TNR: variants seen among roughly 807,000 people sequenced by gnomAD.
TNR encodes tenascin-R.
Under a neutral mutation model 150.4 loss-of-function variants are expected in TNR, and 45 were observed. That is an observed-to-expected ratio of 0.30 (90% CI 0.24 to 0.38). The LOEUF is 0.38. Ranked by LOEUF, TNR falls within the 10% of genes least tolerant of loss-of-function variation. The pLI is 1.00. For missense variants in TNR, 1,544 were observed against 1,759.1 expected, an observed-to-expected ratio of 0.88 and a Z score of 2.19; for synonymous variants, 687 against 678.4, an observed-to-expected ratio of 1.01 and a Z score of -0.20.
chr1:175,353,171 A>G (rs1651146540), intron 18 of TNR, among the ~76,000 whole-genome samples: 2 of 128,874 alleles, frequency 1.6e-5, no homozygotes, highest in African/African-American at 5.3e-5. Flanking sequence ...GAGAAACATT[A>G]GTAACACAGA....
At chr1:175,463,830 C>T (rs906413621) in intron 2 of TNR, among the ~76,000 whole-genome samples, 7 of 152,194 alleles carry the variant, frequency 4.6e-5, no homozygotes, top group Non-Finnish European at 8.8e-5. Context: ...TGGGATTCTG[C>T]TGCAAGGCAG....
chr1:175,517,632 A>G (rs1282101426), intron 2 of TNR, among the ~76,000 whole-genome samples: 1 of 152,150 alleles, frequency 6.6e-6, no homozygotes, highest in Non-Finnish European at 1.5e-5. Context: ...AGACCTACGA[A>G]TCTGTATTTT....
At chr1:175,724,735 G>T (rs995512472) in intron 1 of TNR, among the ~76,000 whole-genome samples, 3 of 152,152 alleles carry the variant, frequency 2.0e-5, no homozygotes, top group Admixed American at 1.3e-4. Context: ...AACTTAGAAG[G>T]TTCTATGAGA....
intron 1 of TNR, among the ~76,000 whole-genome samples, chr1:175,537,150 C>A (rs907936999): frequency 6.6e-6 from 1 of 152,244 alleles, no homozygotes; most frequent in East Asian, 1.9e-4. Context: ...GGAAGGGCAC[C>A]CCTTGGAGAG....
At chr1:175,363,564 AC>A (rs780460978) in intron 13 of TNR, 143 bp downstream of exon 13, 197 of 1,114,564 alleles carry the variant, frequency 1.8e-4, no homozygotes, top group Middle Eastern at 3.1e-4. Context: ...TTGGCTGCTC[AC>A]CAGCCCACTC....
intron 18 of TNR, among the ~76,000 whole-genome samples, chr1:175,338,178 T>C (rs1412872220): frequency 2.0e-5 from 3 of 152,192 alleles, no homozygotes; most frequent in African/African-American, 4.8e-5. Flanking sequence ...CAGTAGCCAT[T>C]AAGGAATGCC....
chr1:175,446,420 A>T (rs1317329000), intron 2 of TNR, among the ~76,000 whole-genome samples: 1 of 152,190 alleles, frequency 6.6e-6, no homozygotes, highest in Non-Finnish European at 1.5e-5. Context: ...GACCAGATAG[A>T]AATTTCTGAA....
chr1:175,530,929 CT>C (rs1660040844), intron 1 of TNR, among the ~76,000 whole-genome samples: 1 of 152,144 alleles, frequency 6.6e-6, no homozygotes, highest in Non-Finnish European at 1.5e-5. Flanking sequence ...TACTGAGAGC[CT>C]TGTGAGTACC....
intron 1 of TNR, among the ~76,000 whole-genome samples, chr1:175,721,862 A>AGCCT (rs1667313413): frequency 1.4e-5 from 1 of 71,080 alleles, no homozygotes; most frequent in Non-Finnish European, 2.7e-5. Context: ...CCCACTGACC[A>AGCCT]GCCTGCCTCC....
intron 1 of TNR, among the ~76,000 whole-genome samples, chr1:175,645,917 A>G (rs189136114): frequency 3.3e-5 from 5 of 151,744 alleles, no homozygotes; most frequent in Admixed American, 3.3e-4. Context: ...AGCCCTGCAT[A>G]TAAGACAAAG....
At position 175,480,318 on chromosome 1, in the gene TNR, AAGAG is replaced by A. The variant is rs952129818; in HGVS notation, c.-64+47947_-64+47950del. ...GTAAAAAAAAAATGAGGAAGAAAGA[AAGAG>A]AGAGAGAGAGAAGGAAGGAAGGAAG... On this transcript the variant is annotated intron_variant, in intron 2 of 22. Transcript: ENST00000367674. Among the ~76,000 whole-genome samples the A allele has an allele frequency of 7.3e-5, 11 of 150,980 alleles. No homozygotes were observed. The South Asian group carries it at 1.1e-3, about 15-fold the overall frequency.
chr1:175,376,933 T>A (rs917643763), intron 9 of TNR, among the ~76,000 whole-genome samples: 1 of 151,140 alleles, frequency 6.6e-6, no homozygotes, highest in Non-Finnish European at 1.5e-5. Context: ...TCAACCTATT[T>A]AAGCCCCCTA....
intron 15 of TNR, among the ~76,000 whole-genome samples, chr1:175,359,382 G>A (rs1366708852): frequency 3.3e-5 from 5 of 152,024 alleles, no homozygotes; most frequent in Admixed American, 2.6e-4. Flanking sequence ...CTTACCTCAA[G>A]TGATCCGCCT....
chr1:175,499,859 T>C (rs966309496), intron 2 of TNR, among the ~76,000 whole-genome samples: 7 of 152,150 alleles, frequency 4.6e-5, no homozygotes, highest in Non-Finnish European at 8.8e-5. Context: ...TCCCAGTCAA[T>C]CTACTACGTA....
chr1:175,596,152 T>C (rs1187718463), intron 1 of TNR, among the ~76,000 whole-genome samples: 1 of 152,212 alleles, frequency 6.6e-6, no homozygotes, highest in East Asian at 1.9e-4. Flanking sequence ...ACAATGTTTT[T>C]TTAAAAGAAA....
intron 2 of TNR, among the ~76,000 whole-genome samples, chr1:175,443,402 C>G (rs1410281925): frequency 6.6e-6 from 1 of 152,178 alleles, no homozygotes; most frequent in African/African-American, 2.4e-5. Flanking sequence ...CCTACCTCTA[C>G]TAACTGCTCA....
At chr1:175,489,290 T>C (rs559580540) in intron 2 of TNR, among the ~76,000 whole-genome samples, 223 of 152,300 alleles carry the variant, frequency 1.5e-3, no homozygotes, top group Non-Finnish European at 2.8e-3. Flanking sequence ...GCATAACTCA[T>C]GTGGTCCCCA....
At chr1:175,346,789 T>C (rs895731785) in intron 18 of TNR, among the ~76,000 whole-genome samples, 13 of 150,932 alleles carry the variant, frequency 8.6e-5, no homozygotes, top group African/African-American at 2.4e-4. Context: ...TGTTTCCTAT[T>C]CCAAAAACAA....
In TNR at chr1:175,379,701, C is replaced by A; in HGVS notation, c.1814G>T (p.Arg605Leu). The change falls in exon 9 of 23, where the codon CGC becomes CTC. Residue 605 changes from arginine to leucine, a missense_variant. Arg to Leu is a moderately radical substitution (Grantham distance 102, BLOSUM62 -2). This residue lies in a region of TNR where 1,254 missense variants were observed against 1,329.4 expected (regional missense o/e 0.94). Transcript: ENST00000367674. ...DAPKNLRVGS[R>L]TATSLDLEWD... ...CTCGAGGTCAAGGCTGGTTGCTGTG[C>A]GAGAACCAACTCGCAAGTTCTTGGG... 6.2e-7 allele frequency: 1 copy of A among 1,614,128 alleles called. No individual in the cohort carries two copies. Among genetic ancestry groups the A allele is most frequent in the Non-Finnish European group, 8.5e-7 (1 of 1,180,012 alleles).
Sources: allele counts gnomAD v4.1 joint callset (sites outside exome capture counted in the v4.1 genomes callset), GRCh38; gene constraint gnomAD v4.1.1; regional missense constraint gnomAD v4.1.1; transcripts MANE v1.5; gene names NCBI Gene and HGNC (gene_info 2026-07-23, HGNC 2026-07-21).